Variants in EYS observed in about 807,000 individuals in gnomAD.
The protein encoded by EYS is EGF-like photoreceptor maintenance factor, also known as protein eyes shut homolog.
A neutral mutation model predicts 282.1 loss-of-function variants in EYS; 250 were observed. That is an observed-to-expected ratio of 0.89 (90% CI 0.80 to 0.98). The LOEUF is 0.98. Among genes scored for constraint, EYS ranks in the 50% least tolerant of loss-of-function variants. The pLI is 0.00. For missense variants in EYS, 4,016 were observed against 3,709.0 expected (o/e 1.08, Z -2.15); for synonymous variants, 1,355 against 1,282.9 (o/e 1.06, Z -1.20).
At chr6:65,360,115 C>G (rs1764642539) in intron 8 of EYS, among the ~76,000 whole-genome samples, 1 of 151,756 alleles carries the variant, frequency 6.6e-6, no homozygotes, top group African/African-American at 2.4e-5. Context: ...CCTTATAATT[C>G]TGATGTTTTA....
intron 29 of EYS, among the ~76,000 whole-genome samples, chr6:64,333,333 G>C (rs551866603): frequency 6.6e-6 from 1 of 152,196 alleles, no homozygotes; most frequent in South Asian, 2.1e-4. Context: ...TATTTTGATT[G>C]CTGCCAAGCT....
intron 26 of EYS, among the ~76,000 whole-genome samples, chr6:64,543,398 G>A (rs1187624562): frequency 6.6e-6 from 1 of 151,872 alleles, no homozygotes; most frequent in African/African-American, 2.4e-5. Flanking sequence ...AAAGAAATTG[G>A]CTTTTTTCCT....
chr6:65,171,958 A>G (rs1362426645), intron 12 of EYS, among the ~76,000 whole-genome samples: 1 of 151,462 alleles, frequency 6.6e-6, no homozygotes, highest in East Asian at 2.0e-4. Flanking sequence ...ACAGAATTTT[A>G]TTAATTTAGA....
At chr6:65,480,983 C>T (rs141690385) in intron 5 of EYS, among the ~76,000 whole-genome samples, 34 of 152,092 alleles carry the variant, frequency 2.2e-4, no homozygotes, top group African/African-American at 8.0e-4. Flanking sequence ...AGGATAGGGA[C>T]AGTTTGGTTA....
At chr6:65,513,081 G>T (rs541606116) in intron 2 of EYS, among the ~76,000 whole-genome samples, 4 of 152,058 alleles carry the variant, frequency 2.6e-5, no homozygotes, top group Non-Finnish European at 5.9e-5. Context: ...GAATCAAATA[G>T]ATGCAATAAA....
At chr6:64,247,309 G>C (rs990734372) in intron 30 of EYS, among the ~76,000 whole-genome samples, 1 of 152,136 alleles carries the variant, frequency 6.6e-6, no homozygotes, top group African/African-American at 2.4e-5. Flanking sequence ...CATATGTGCT[G>C]GCAAAGACAA....
At chr6:64,238,552 C>T (rs1036494113) in intron 30 of EYS, among the ~76,000 whole-genome samples, 2 of 152,066 alleles carry the variant, frequency 1.3e-5, no homozygotes, top group African/African-American at 4.8e-5. Flanking sequence ...CCCACTCTCC[C>T]CACTTCTGAG....
At chr6:65,278,407 T>TA (rs1768123808) in intron 12 of EYS, among the ~76,000 whole-genome samples, 2 of 145,116 alleles carry the variant, frequency 1.4e-5, no homozygotes, top group Admixed American at 1.4e-4. Context: ...TATATATATA[T>TA]CTCCTATTGG....
chr6:63,750,826 C>T (rs1769324648), intron 41 of EYS, among the ~76,000 whole-genome samples: 1 of 152,182 alleles, frequency 6.6e-6, no homozygotes, highest in African/African-American at 2.4e-5. Context: ...CCAGCATTAT[C>T]ACAGAGGAAT....
chr6:65,452,976 G>A (rs1005996110), intron 5 of EYS, among the ~76,000 whole-genome samples: 3 of 151,920 alleles, frequency 2.0e-5, no homozygotes, highest in South Asian at 2.1e-4. Flanking sequence ...GACAAGCTCC[G>A]TAAGGTTCTC....
chr6:65,676,812 C>T (rs1768618149), intron 1 of EYS, among the ~76,000 whole-genome samples: 1 of 151,500 alleles, frequency 6.6e-6, no homozygotes, highest in Admixed American at 6.6e-5. Context: ...CTGAAATTTC[C>T]TAGCAAACCA....
Position 64,864,423 on chromosome 6 carries a change from G to A in EYS, c.2992+22274C>T, listed in dbSNP as rs376493649. ...TTTTTTTTTGACAGAATCTTGCTCT[G>A]TCACCAGGCTGGAGTGCAGTGGTGC... On this transcript the variant is annotated intron_variant, in intron 19 of 42. Coordinates refer to ENST00000503581, the MANE Select transcript of EYS (RefSeq NM_001142800.2). 1.2e-3 allele frequency among the ~76,000 whole-genome samples: 55 copies of A among 46,598 alleles called. 1 individual carries two copies. The East Asian group carries it at 0.016, about 14-fold the overall frequency. The allele number at this position is 46,598 out of a possible 152,430, so 30.6% of individuals were successfully genotyped here. A position where few individuals can be genotyped will look rare whatever the true frequency, so the allele number is the denominator to read the frequency against.
chr6:63,920,311 T>C (rs1354710435), intron 35 of EYS, among the ~76,000 whole-genome samples: 1 of 152,158 alleles, frequency 6.6e-6, no homozygotes, highest in Non-Finnish European at 1.5e-5. Context: ...CTCCTACTGG[T>C]GGATTCTGAT....
chr6:65,157,037 C>G (rs1009627576), intron 12 of EYS, among the ~76,000 whole-genome samples: 1 of 151,136 alleles, frequency 6.6e-6, no homozygotes, highest in Non-Finnish European at 1.5e-5. Context: ...TGTTATTTGA[C>G]TCAGTTCTCA....
At chr6:65,572,668 A>T (rs1206795607) in intron 2 of EYS, among the ~76,000 whole-genome samples, 1 of 152,150 alleles carries the variant, frequency 6.6e-6, no homozygotes, top group African/African-American at 2.4e-5. Flanking sequence ...TGTAGTAGTC[A>T]GTACCATCTC....
At chr6:64,887,571 A>C (rs2350282) in intron 18 of EYS, among the ~76,000 whole-genome samples, 23,499 of 152,000 alleles carry the variant, frequency 0.15, 2,140 homozygotes, top group East Asian at 0.49. Context: ...CTTTCCATAA[A>C]ATGTTTTTGA....
intron 29 of EYS, among the ~76,000 whole-genome samples, chr6:64,383,237 G>A (rs1772807719): frequency 6.6e-6 from 1 of 152,206 alleles, no homozygotes. Flanking sequence ...GGAGGTCGAG[G>A]CTGCAGTGAG....
chr6:64,020,297 C>A (rs1159996573), intron 33 of EYS, among the ~76,000 whole-genome samples: 1 of 152,020 alleles, frequency 6.6e-6, no homozygotes, highest in East Asian at 1.9e-4. Flanking sequence ...TTTACACATA[C>A]AATGCATGTA....
chr6:64,409,424 A>G (rs1481073975), intron 28 of EYS, among the ~76,000 whole-genome samples: 1 of 152,236 alleles, frequency 6.6e-6, no homozygotes, highest in African/African-American at 2.4e-5. Context: ...GACAAGTGGG[A>G]TCAAATTAAA....
Sources: allele counts gnomAD v4.1 joint callset (sites outside exome capture counted in the v4.1 genomes callset), GRCh38; gene constraint gnomAD v4.1.1; transcripts MANE v1.5; gene names NCBI Gene and HGNC (gene_info 2026-07-23, HGNC 2026-07-21).